LAT2: variants seen among roughly 807,000 people sequenced by gnomAD.
LAT2 encodes linker for activation of T-cells family member 2.
LAT2 carries 23 observed loss-of-function variants against 43.4 expected under a neutral mutation model. That is an observed-to-expected ratio of 0.53 (90% CI 0.38 to 0.75). The LOEUF (loss-of-function observed/expected upper bound fraction) is 0.75. Ranked by LOEUF, LAT2 falls within the 30% of genes least tolerant of loss-of-function variation. LAT2 has a pLI of 0.00. For missense variants in LAT2, 284 were observed against 310.2 expected, an observed-to-expected ratio of 0.92 and a Z score of 0.64; for synonymous variants, 128 against 123.2, an observed-to-expected ratio of 1.04 and a Z score of -0.26.
In LAT2 at chr7:74,220,068, G is replaced by A; in HGVS notation, c.227+60G>A. On this transcript the variant is annotated intron_variant, in intron 6 of 13. Coordinates refer to ENST00000460943, the MANE Select transcript of LAT2 (RefSeq NM_032464.3). This position sits in a 1 kb window ranked among gnomAD's most constrained non-coding sequence, Gnocchi z 4.5. ...AAAGTCCTGGAGGTCCTCACCTGGT[G>A]AGCCCAGGTCAAGACCTCCCTCCCT... 2 of 1,593,428 alleles carry A rather than the reference G, an allele frequency of 1.3e-6. No homozygotes were observed. The highest frequency in any genetic ancestry group is 1.3e-5 in the African/African-American group (1 of 74,656).
chr7:74,224,743 G>A lies in LAT2; in HGVS notation c.*1G>A, dbSNP rs782752334. The A allele has an allele frequency of 3.2e-6, 5 of 1,584,830 alleles. No individual in the cohort carries two copies. The highest frequency in any genetic ancestry group is 1.8e-5 in the Admixed American group (1 of 55,450). ...GGAGGTGGCAGCCACAGAAGCCTAG[G>A]GCAGACCAAGAAGAAAGGTACAGCC... On this transcript the variant is annotated 3_prime_UTR_variant, in exon 13 of 14. Transcript: ENST00000460943.
At chr7:74,216,755 G>T in intron 3 of LAT2, 70 bp from the exon 4 acceptor site, 2 of 1,336,938 alleles carry the variant, frequency 1.5e-6, no homozygotes, top group Non-Finnish European at 2.1e-6. Flanking sequence ...GACAAGACAT[G>T]GCGGGGGGTG....
chr7:74,213,670 G>C (rs574079642), intron 1 of LAT2, among the ~76,000 whole-genome samples: 1 of 152,012 alleles, frequency 6.6e-6, no homozygotes, highest in African/African-American at 2.4e-5. Context: ...TGATCTGCCC[G>C]CCTTGGCCTC....
intron 4 of LAT2, among the ~76,000 whole-genome samples, chr7:74,217,334 G>A (rs1313288618): frequency 1.3e-5 from 2 of 152,094 alleles, no homozygotes; most frequent in Admixed American, 6.6e-5. Flanking sequence ...TGGAGGCTGA[G>A]GCAGCAGGAT....
chr7:74,212,342 G>A (rs993350630), intron 1 of LAT2, among the ~76,000 whole-genome samples: 12 of 151,712 alleles, frequency 7.9e-5, no homozygotes, highest in African/African-American at 1.7e-4. Flanking sequence ...GTGCACTGGC[G>A]TGATCTCAGC....
chr7:74,215,941 T>C lies in LAT2; in HGVS notation c.-29-6T>C. The stretch of plus-strand genomic sequence containing the variant: ...GCCCCTTGCTCACGGGCACCTCCCA[T>C]TTCAGCATCACAAGAGGCAACACCA... On this transcript the variant is annotated splice_region_variant and splice_polypyrimidine_tract_variant and intron_variant, in intron 2 of 13. Transcript: ENST00000460943. 1.9e-6 allele frequency: 3 copies of C among 1,603,880 alleles called. No individual in the cohort carries two copies. The highest frequency in any genetic ancestry group is 1.1e-5 in the South Asian group (1 of 90,902).
chr7:74,212,726 G>A (rs1292453355), intron 1 of LAT2, among the ~76,000 whole-genome samples: 7 of 152,206 alleles, frequency 4.6e-5, no homozygotes, highest in Non-Finnish European at 8.8e-5. Flanking sequence ...GGTACACCCC[G>A]GGTTGGGGGC....
chr7:74,216,892 G>A (rs1584215199), intron 4 of LAT2, 28 bp downstream of exon 4: 1 of 1,600,004 alleles, frequency 6.2e-7, no homozygotes, highest in East Asian at 2.2e-5. Flanking sequence ...CCCTAGCCTG[G>A]TGTATTCATG....
chr7:74,223,690 C>T (rs112010727), intron 10 of LAT2, 34 bp from the exon 11 acceptor site: 7 of 1,603,356 alleles, frequency 4.4e-6, no homozygotes, highest in African/African-American at 2.7e-5. Context: ...AGGGTCTGCC[C>T]ACACCCCCGT....
chr7:74,222,701 G>C (rs1034856127), intron 10 of LAT2, among the ~76,000 whole-genome samples: 3 of 152,018 alleles, frequency 2.0e-5, no homozygotes, highest in East Asian at 2.0e-4. Context: ...AGCCTCCCGA[G>C]TAGCTGAGAT....
chr7:74,216,715 GC>G, intron 3 of LAT2, 109 bp from the exon 4 acceptor site: 3 of 819,572 alleles, frequency 3.7e-6, no homozygotes. Flanking sequence ...TGACAGTTTG[GC>G]CCCCAAGTCC....
chr7:74,222,792 C>T (rs1802340257), intron 10 of LAT2, among the ~76,000 whole-genome samples: 1 of 152,170 alleles, frequency 6.6e-6, no homozygotes, highest in Non-Finnish European at 1.5e-5. Flanking sequence ...CCAGGCTGGT[C>T]TTGAACTCCT....
In LAT2 at chr7:74,224,033, G is replaced by A. The variant is rs1802390092; in HGVS notation, c.464G>A (p.Gly155Asp). 3 of 1,613,856 alleles carry A rather than the reference G, an allele frequency of 1.9e-6. No individual in the cohort carries two copies. Among genetic ancestry groups the A allele is most frequent in the Middle Eastern group, 1.6e-4 (1 of 6,074 alleles). The change falls in exon 12 of 14, where the codon GGC (glycine) becomes GAC (aspartate). Residue 155 changes from glycine (G) to aspartate (D), a missense_variant. Physicochemically the swap from Gly to Asp is moderately conservative, Grantham distance 94. Transcript: ENST00000460943. ...CTCTCTGCAGGTGCCCAGCAGGAGGGCATAGGTGGCCTCTGCAGAGGGGAC... is the reference window on the plus strand; with the variant it reads ...CTCTCTGCAGGTGCCCAGCAGGAGGACATAGGTGGCCTCTGCAGAGGGGAC... ...KTTETGAQQE[G>D]IGGLCRGDLS...
In LAT2 at chr7:74,228,975, T is replaced by C. The variant is rs1216046456; in HGVS notation, c.*50T>C. 1 of 152,278 alleles carries C rather than the reference T, an allele frequency of 6.6e-6. No homozygotes were observed. Among genetic ancestry groups the C allele is most frequent in the African/African-American group, 2.4e-5 (1 of 41,450 alleles). 9.4% of individuals were successfully genotyped at this position (152,278 alleles called of 1,614,324 possible). On this transcript the variant is annotated 3_prime_UTR_variant, in exon 14 of 14. Coordinates refer to ENST00000460943, the MANE Select transcript of LAT2 (RefSeq NM_032464.3). ...AGGCAAAGAGGGACCACTGTGCTCA[T>C]GGACCCATCGCTGCCTTCCAAGGAC...
In LAT2 at chr7:74,224,627, G is replaced by A. The variant is rs781953413; in HGVS notation, c.629-12G>A. On this transcript the variant is annotated splice_polypyrimidine_tract_variant and intron_variant, in intron 12 of 13. Transcript: ENST00000460943. The stretch of plus-strand genomic sequence containing the variant: ...GAACCACTCGATGACCTGTCTGCCC[G>A]CTGGTCCACAGGGCAACTCCAGAGA... 1.6e-5 allele frequency: 25 copies of A among 1,581,266 alleles called. No individual in the cohort carries two copies. Among genetic ancestry groups the A allele is most frequent in the East Asian group, 6.9e-5 (3 of 43,660 alleles).
chr7:74,220,460 G>A lies in LAT2; in HGVS notation c.266-124G>A. ...CACACTCGCACATGCCCCACTGAGGGGACAGGGAGCACTGCAAAGGCTCAG... is the reference window on the plus strand; with the variant it reads ...CACACTCGCACATGCCCCACTGAGGAGACAGGGAGCACTGCAAAGGCTCAG... On this transcript the variant is annotated intron_variant, in intron 7 of 13. Transcript: ENST00000460943. This position sits in a 1 kb window ranked among gnomAD's most constrained non-coding sequence, Gnocchi z 4.5. 4.5e-6 allele frequency: 6 copies of A among 1,343,064 alleles called. No individual in the cohort carries two copies. Among genetic ancestry groups the A allele is most frequent in the Non-Finnish European group, 6.3e-6 (6 of 948,966 alleles). The allele number at this position is 1,343,064 out of a possible 1,614,324, so 83.2% of individuals were successfully genotyped here.
In LAT2 at chr7:74,214,789, A is replaced by ATT. The variant is rs1228293311; in HGVS notation, c.-218-32_-218-31insTT. On this transcript the variant is annotated intron_variant, in intron 1 of 13. Transcript: ENST00000460943. Reference sequence around the variant, plus strand: ...CATATATATATAAATATATATATATATATTTTTTTTTTTTTTTGTATTTTT... The same window carrying ATT: ...CATATATATATAAATATATATATATATTTATTTTTTTTTTTTTTTGTATTTTT... The ATT allele has an allele frequency of 5.7e-4, 51 of 89,418 alleles. 1 individual carries two copies. The East Asian group carries it at 6.5e-3, about 11-fold the overall frequency. 5.5% of individuals were successfully genotyped at this position (89,418 alleles called of 1,614,324 possible). A position where few individuals can be genotyped will look rare whatever the true frequency, so the allele number is the denominator to read the frequency against.
chr7:74,216,339 G>A (rs1651051213), intron 3 of LAT2, among the ~76,000 whole-genome samples: 1 of 152,012 alleles, frequency 6.6e-6, no homozygotes, highest in Non-Finnish European at 1.5e-5. Context: ...CACTTTTCTA[G>A]CCTCTCCTCT....
chr7:74,214,732 TATATAAAA>T (rs1554713955), intron 1 of LAT2, 82 bp from the exon 2 acceptor site: 94 of 104,444 alleles, frequency 9.0e-4, no homozygotes, highest in African/African-American at 3.8e-3. Flanking sequence ...AATATAAATA[TATATAAAA>T]ATATATAAAT....
Sources: gnomAD v4.1 joint callset for allele counts (sites outside exome capture counted in the v4.1 genomes callset) on GRCh38, gnomAD v4.1.1 for gene constraint, Gnocchi (gnomAD v3.1) non-coding constraint, MANE v1.5 for transcripts, NCBI Gene and HGNC (gene_info 2026-07-23, HGNC 2026-07-21) for gene names.